The following PKD2 variants were observed in gnomAD, a reference collection of about 807,000 sequenced individuals.
PKD2 encodes the protein polycystin 2, transient receptor potential cation channel.
A neutral mutation model predicts 105.9 loss-of-function variants in PKD2; 48 were observed. The ratio of observed to expected loss-of-function variants is 0.45; its 90% CI spans 0.36 to 0.58. The LOEUF is 0.58. Among genes scored for constraint, PKD2 ranks in the 20% least tolerant of loss-of-function variants. The pLI is 0.00. For synonymous variants in PKD2, 464 were observed against 481.1 expected (o/e 0.96, Z 0.46); for missense variants, 1,078 against 1,255.3 (o/e 0.86, Z 2.13).
At chr4:88,045,122 A>T (rs1727719762) in intron 5 of PKD2, among the ~76,000 whole-genome samples, 1 of 152,232 alleles carries the variant, frequency 6.6e-6, no homozygotes, top group African/African-American at 2.4e-5. Flanking sequence ...CCTTACTTTA[A>T]GGATGAACAT....
At chr4:88,073,035 A>AG (rs1491405724) in intron 13 of PKD2, among the ~76,000 whole-genome samples, 1 of 51,156 alleles carries the variant, frequency 2.0e-5, no homozygotes, top group Non-Finnish European at 3.8e-5. Flanking sequence ...ACTCTGTCTC[A>AG]AAAAAAAAAA....
At position 88,043,172 on chromosome 4, in the gene PKD2, T is replaced by G. The variant is rs1727635943; in HGVS notation, c.1095-61T>G. 5.7e-6 allele frequency: 6 copies of G among 1,054,924 alleles called. No individual in the cohort carries two copies. The South Asian group carries it at 7.6e-5, about 13-fold the overall frequency. The allele number at this position is 1,054,924 out of a possible 1,614,324, so 65.3% of individuals were successfully genotyped here. A position where few individuals can be genotyped will look rare whatever the true frequency, so the allele number is the denominator to read the frequency against. On this transcript the variant is annotated intron_variant, in intron 4 of 14. Coordinates refer to ENST00000237596, the MANE Select transcript of PKD2 (RefSeq NM_000297.4). Reference sequence around the variant, plus strand: ...TTTTACAAGGAACCAGCTGTCCTTGTAATTGCCTCAAGTGTTCCACTGATT... The same window carrying G: ...TTTTACAAGGAACCAGCTGTCCTTGGAATTGCCTCAAGTGTTCCACTGATT...
chr4:88,030,236 G>C (rs1157520138), intron 2 of PKD2, among the ~76,000 whole-genome samples: 2 of 151,978 alleles, frequency 1.3e-5, no homozygotes, highest in African/African-American at 2.4e-5. Flanking sequence ...ACTGCAGCTT[G>C]GGGGCTCAAG....
At chr4:88,045,069 A>G (rs1238048714) in intron 5 of PKD2, among the ~76,000 whole-genome samples, 1 of 152,250 alleles carries the variant, frequency 6.6e-6, no homozygotes, top group Non-Finnish European at 1.5e-5. Flanking sequence ...TATTTTAGTA[A>G]ATTCTATTTA....
chr4:88,047,410 A>G (rs1727818606), intron 6 of PKD2, among the ~76,000 whole-genome samples: 1 of 151,776 alleles, frequency 6.6e-6, no homozygotes, highest in Admixed American at 6.6e-5. Context: ...AAAAAAATTT[A>G]ATTAGTCAGG....
chr4:88,027,378 G>T (rs1177148394), intron 2 of PKD2, among the ~76,000 whole-genome samples: 1 of 152,228 alleles, frequency 6.6e-6, no homozygotes, highest in Non-Finnish European at 1.5e-5. Context: ...TTTCAGACTT[G>T]AATGGGGCCT....
rs1279048732 is a variant in PKD2, at chr4:88,052,088, A to G, written c.1646A>G (p.Glu549Gly). Residue 549 changes from glutamate to glycine, a missense_variant, in exon 7 of 15, where the codon GAG becomes GGG. Physicochemically the swap from Glu to Gly is moderately conservative, Grantham distance 98 (BLOSUM62 -2). Transcript: ENST00000237596. ...LEDQNTFPNF[E>G]HLAYWQIQFN... The stretch of plus-strand genomic sequence containing the variant: ...GATCAAAATACTTTCCCCAACTTTG[A>G]GCATCTGGCATATTGGCAGATACAG... The G allele has an allele frequency of 1.9e-6, 3 of 1,607,038 alleles. No homozygotes were observed. Among genetic ancestry groups the G allele is most frequent in the African/African-American group, 1.3e-5 (1 of 74,776 alleles).
chr4:88,014,695 T>C (rs1726502028), intron 1 of PKD2, among the ~76,000 whole-genome samples: 1 of 152,228 alleles, frequency 6.6e-6, no homozygotes, highest in South Asian at 2.1e-4. Context: ...TCTTTTATGA[T>C]ACAAATGCAC....
chr4:88,073,818 G>T (rs763448375), intron 13 of PKD2, among the ~76,000 whole-genome samples: 1 of 152,018 alleles, frequency 6.6e-6, no homozygotes, highest in Non-Finnish European at 1.5e-5. Flanking sequence ...TTTAATATTT[G>T]AGTTTTAAAA....
intron 3 of PKD2, among the ~76,000 whole-genome samples, chr4:88,037,419 G>A (rs1319777387): frequency 6.6e-6 from 1 of 152,176 alleles, no homozygotes; most frequent in Non-Finnish European, 1.5e-5. Flanking sequence ...TGGAATCTAA[G>A]AAAATTGGAA....
chr4:88,030,263 G>T (rs1727098542), intron 2 of PKD2, among the ~76,000 whole-genome samples: 1 of 152,132 alleles, frequency 6.6e-6, no homozygotes, highest in South Asian at 2.1e-4. Context: ...TCCTGCCTCA[G>T]CCTCCCATGT....
intron 1 of PKD2, among the ~76,000 whole-genome samples, chr4:88,014,286 G>A (rs536743522): frequency 2.0e-5 from 3 of 152,272 alleles, no homozygotes; most frequent in African/African-American, 7.2e-5. Context: ...GCTGTCTAGA[G>A]AATATGCAGG....
intron 6 of PKD2, among the ~76,000 whole-genome samples, chr4:88,051,300 C>T (rs1210494955): frequency 6.6e-6 from 1 of 152,180 alleles, no homozygotes; most frequent in African/African-American, 2.4e-5. Context: ...ATGCTTTGTT[C>T]TCATGGGCAC....
At chr4:88,056,423 C>G (rs574197142) in intron 8 of PKD2, among the ~76,000 whole-genome samples, 156 bp downstream of exon 8, 4 of 152,272 alleles carry the variant, frequency 2.6e-5, no homozygotes, top group Admixed American at 1.3e-4. Context: ...CATTGATCTA[C>G]CCATGCAAAG....
At position 88,008,149 on chromosome 4, in the gene PKD2, G is replaced by T. The variant is rs1342252911; in HGVS notation, c.416G>T (p.Arg139Leu). Residue 139 changes from arginine (R) to leucine (L), a missense_variant, in exon 1 of 15, where the codon CGG (arginine) becomes CTG (leucine). Physicochemically the swap from Arg to Leu is moderately radical, Grantham distance 102 (BLOSUM62 -2). This residue lies in a region of PKD2 where 868 missense variants were observed against 1,067.3 expected (regional missense o/e 0.81). Transcript: ENST00000237596. Reference sequence around the variant, plus strand: ...GTGAGCTCCGTGGGCGCGCGGAGCCGGGGGCTTGGGGGCTACCACGGCGCG... The same window carrying T: ...GTGAGCTCCGTGGGCGCGCGGAGCCTGGGGCTTGGGGGCTACCACGGCGCG... ...SAVSSVGARSRGLGGYHGAGH... is the reference protein window; with the variant it reads ...SAVSSVGARSLGLGGYHGAGH... 33 of 1,459,310 alleles carry T rather than the reference G, an allele frequency of 2.3e-5. No individual in the cohort carries two copies. Among genetic ancestry groups the T allele is most frequent in the South Asian group, 1.3e-5 (1 of 75,680 alleles). The allele number at this position is 1,459,310 out of a possible 1,614,324, so 90.4% of individuals were successfully genotyped here. A position where few individuals can be genotyped will look rare whatever the true frequency, so the allele number is the denominator to read the frequency against.
At chr4:88,018,203 C>T (rs553583140) in intron 1 of PKD2, among the ~76,000 whole-genome samples, 2 of 152,114 alleles carry the variant, frequency 1.3e-5, no homozygotes, top group African/African-American at 4.8e-5. Flanking sequence ...ATGCGTAACA[C>T]AGTGTTTTTG....
chr4:88,038,242 T>G lies in PKD2; in HGVS notation c.844-9T>G. ...GGAACTTTTTCAGAGATGTTTCCTT[T>G]GCTTTTAGTTCACAGAAGGCTCCTT... is the stretch of plus-strand genomic sequence containing the variant. On this transcript the variant is annotated splice_polypyrimidine_tract_variant and intron_variant, in intron 3 of 14. Coordinates refer to ENST00000237596, the MANE Select transcript of PKD2 (RefSeq NM_000297.4). The G allele has an allele frequency of 6.2e-7, 1 of 1,614,054 alleles. No individual in the cohort carries two copies. Among genetic ancestry groups the G allele is most frequent in the Non-Finnish European group, 8.5e-7 (1 of 1,179,926 alleles).
At chr4:88,040,587 A>G (rs1435266134) in intron 4 of PKD2, among the ~76,000 whole-genome samples, 2 of 152,108 alleles carry the variant, frequency 1.3e-5, no homozygotes, top group Admixed American at 6.5e-5. Context: ...CCTTACCATC[A>G]ATTCACGTCT....
Position 88,015,558 on chromosome 4 carries a change from T to G in PKD2, c.596-3900T>G, listed in dbSNP as rs113941407. Among the ~76,000 whole-genome samples the G allele has an allele frequency of 6.0e-3, 915 of 152,062 alleles. 7 individuals carry two copies. The highest frequency in any genetic ancestry group is 0.021 in the African/African-American group (851 of 41,476). On this transcript the variant is annotated intron_variant, in intron 1 of 14. Transcript: ENST00000237596. ...CTCCCGAGTAGCTGGGACTACAGCC[T>G]CCCGAGTAGCTCACCACCACACCCA...
Sources: gnomAD v4.1 joint callset for allele counts (sites outside exome capture counted in the v4.1 genomes callset) on GRCh38, gnomAD v4.1.1 for gene constraint, gnomAD v4.1.1 regional missense constraint, MANE v1.5 for transcripts, NCBI Gene and HGNC (gene_info 2026-07-23, HGNC 2026-07-21) for gene names.